NBAS: variants seen among roughly 807,000 people sequenced by gnomAD.
NBAS encodes NAG/BC035112 fusion.
A neutral mutation model predicts 302.5 loss-of-function variants in NBAS; 219 were observed. The ratio of observed to expected loss-of-function variants is 0.72; its 90% CI spans 0.65 to 0.81. NBAS has a LOEUF of 0.81. Among genes scored for constraint, NBAS ranks in the 30% least tolerant of loss-of-function variants. The pLI is 0.00. For missense variants in NBAS, 2,932 were observed against 2,841.6 expected, an observed-to-expected ratio of 1.03 and a Z score of -0.72; for synonymous variants, 1,118 against 1,021.6, an observed-to-expected ratio of 1.09 and a Z score of -1.80.
chr2:15,157,983 G>A, the NBAS span, among the ~76,000 whole-genome samples: 1 of 152,142 alleles, frequency 6.6e-6, no homozygotes, highest in Non-Finnish European at 1.5e-5. Context: ...CTAGTCCCGG[G>A]CTCTGGCCAC....
intron 47 of NBAS, among the ~76,000 whole-genome samples, chr2:15,219,197 T>C (rs1233258848): frequency 6.6e-6 from 1 of 152,222 alleles, no homozygotes; most frequent in Admixed American, 6.5e-5. Flanking sequence ...TTAAAATGAG[T>C]TATATAAAGC....
Position 15,292,761 on chromosome 2 carries a change from A to T in NBAS, c.4803T>A (p.Asp1601Glu), listed in dbSNP as rs899595385. Reference protein sequence around the residue: ...RDKCHPLYRADPKELIKMVTR... With the variant: ...RDKCHPLYRAEPKELIKMVTR... ...TGACCATCTTGATTAGTTCTTTGGG[A>T]TCAGCCTATGAAAGACATGGAAAAG... Residue 1601 changes from aspartate to glutamate, a missense_variant, in exon 41 of 52, where the codon GAT (aspartate) becomes GAA (glutamate). Asp to Glu is a conservative substitution (Grantham distance 45). Coordinates refer to ENST00000281513, the MANE Select transcript of NBAS (RefSeq NM_015909.4). 1 of 1,614,022 alleles carries T rather than the reference A, an allele frequency of 6.2e-7. No homozygotes were observed. Among genetic ancestry groups the T allele is most frequent in the African/African-American group, 1.3e-5 (1 of 74,924 alleles).
intron 44 of NBAS, among the ~76,000 whole-genome samples, chr2:15,253,219 G>C (rs1668440709): frequency 6.6e-6 from 1 of 152,196 alleles, no homozygotes; most frequent in Admixed American, 6.5e-5. Context: ...ATGGGGTAGG[G>C]GAGTGGGTGC....
At chr2:15,024,735 T>A in the NBAS span, among the ~76,000 whole-genome samples, 1 of 152,236 alleles carries the variant, frequency 6.6e-6, no homozygotes, top group African/African-American at 2.4e-5. Context: ...TGAGCATTTT[T>A]AAAATGCTTT....
chr2:14,879,046 A>C, the NBAS span, among the ~76,000 whole-genome samples: 1 of 152,226 alleles, frequency 6.6e-6, no homozygotes, highest in Non-Finnish European at 1.5e-5. Flanking sequence ...TATATTTAAA[A>C]TTATATATAC....
intron 22 of NBAS, among the ~76,000 whole-genome samples, chr2:15,426,344 TAA>T (rs1677477337): frequency 6.6e-6 from 1 of 152,204 alleles, no homozygotes; most frequent in African/African-American, 2.4e-5. Context: ...TGCTGTAATG[TAA>T]TAGGCATTTC....
At chr2:15,268,632 CCTT>C (rs1222562252) in intron 44 of NBAS, among the ~76,000 whole-genome samples, 2 of 152,188 alleles carry the variant, frequency 1.3e-5, no homozygotes, top group Non-Finnish European at 2.9e-5. Flanking sequence ...AGGAGGCAGA[CCTT>C]CTGACAAAGC....
chr2:15,418,716 G>A (rs1481820930), intron 23 of NBAS, among the ~76,000 whole-genome samples: 1 of 152,150 alleles, frequency 6.6e-6, no homozygotes, highest in African/African-American at 2.4e-5. Context: ...ATTATGGGAA[G>A]GAGAGCAGCA....
At chr2:14,815,068 G>A in the NBAS span, among the ~76,000 whole-genome samples, 1 of 152,072 alleles carries the variant, frequency 6.6e-6, no homozygotes, top group African/African-American at 2.4e-5. Context: ...AGTTTTCTGA[G>A]GCCTCCCAAT....
At chr2:15,485,786 A>G (rs1680601181) in intron 12 of NBAS, among the ~76,000 whole-genome samples, 1 of 152,246 alleles carries the variant, frequency 6.6e-6, no homozygotes, top group Non-Finnish European at 1.5e-5. Flanking sequence ...AAATGGTTAC[A>G]TGAAAGTAGA....
At chr2:15,237,398 T>C (rs1477411353) in intron 45 of NBAS, among the ~76,000 whole-genome samples, 1 of 152,008 alleles carries the variant, frequency 6.6e-6, no homozygotes, top group African/African-American at 2.4e-5. Context: ...GAAACAATTT[T>C]AGTAGTCAAA....
intron 23 of NBAS, among the ~76,000 whole-genome samples, chr2:15,423,661 G>A (rs575574698): frequency 3.3e-5 from 5 of 152,252 alleles, no homozygotes; most frequent in South Asian, 2.1e-4. Context: ...AAGACTGAAC[G>A]TGGAAGAAAG....
At chr2:15,462,091 A>G (rs940748234) in intron 19 of NBAS, among the ~76,000 whole-genome samples, 10 of 152,254 alleles carry the variant, frequency 6.6e-5, no homozygotes, top group Non-Finnish European at 1.3e-4. Flanking sequence ...AGCAACAGTT[A>G]TTCATGACAA....
chr2:15,209,024 T>A (rs937877444), intron 48 of NBAS, among the ~76,000 whole-genome samples: 5 of 152,000 alleles, frequency 3.3e-5, no homozygotes, highest in Admixed American at 1.3e-4. Context: ...GGGCTTTTTT[T>A]AAAAGATAAA....
intron 47 of NBAS, among the ~76,000 whole-genome samples, chr2:15,225,322 C>T (rs1052901444): frequency 6.6e-5 from 10 of 152,240 alleles, no homozygotes; most frequent in South Asian, 4.2e-4. Flanking sequence ...AGAAATATTG[C>T]GGTAACAGAG....
the NBAS span, among the ~76,000 whole-genome samples, chr2:14,989,396 A>G: frequency 1.3e-5 from 2 of 151,918 alleles, no homozygotes; most frequent in African/African-American, 4.8e-5. Flanking sequence ...CATCTCTACT[A>G]GAAATACAAA....
the NBAS span, among the ~76,000 whole-genome samples, chr2:14,837,052 T>G: frequency 6.6e-6 from 1 of 152,024 alleles, no homozygotes; most frequent in South Asian, 2.1e-4. Context: ...ATTAATAATT[T>G]TATCTGTCAA....
chr2:15,187,741 T>C (rs1163324637), intron 49 of NBAS, among the ~76,000 whole-genome samples: 1 of 152,142 alleles, frequency 6.6e-6, no homozygotes, highest in African/African-American at 2.4e-5. Flanking sequence ...AGTCTGTTGG[T>C]TCATTAGCAC....
intron 47 of NBAS, among the ~76,000 whole-genome samples, chr2:15,220,211 G>A (rs1192961305): frequency 7.5e-6 from 1 of 133,342 alleles, no homozygotes; most frequent in Admixed American, 7.4e-5. Context: ...GGACGGGGCG[G>A]CTGGCCGGGC....
Sources: allele counts gnomAD v4.1 joint callset (sites outside exome capture counted in the v4.1 genomes callset), GRCh38; gene constraint gnomAD v4.1.1; transcripts MANE v1.5; gene names NCBI Gene and HGNC (gene_info 2026-07-23, HGNC 2026-07-21).